DLG2: variants seen among roughly 807,000 people sequenced by gnomAD.
DLG2 encodes the protein discs large MAGUK scaffold protein 2, also known as disks large homolog 2.
In DLG2, 45 loss-of-function variants were observed where a neutral mutation model predicts 132.5. The observed-to-expected ratio is 0.34, with a 90% confidence interval of 0.27 to 0.44. The LOEUF (loss-of-function observed/expected upper bound fraction) is 0.44, where lower values mean the gene tolerates loss of function less well. Among genes scored for constraint, DLG2 ranks in the 20% least tolerant of loss-of-function variants. The pLI is 1.00. For synonymous variants in DLG2, 424 were observed against 419.6 expected (o/e 1.01, Z -0.13); for missense variants, 1,045 against 1,196.9 (o/e 0.87, Z 1.87).
chr11:84,559,440 TTAAA>T (rs2099418725), intron 6 of DLG2, among the ~76,000 whole-genome samples: 3 of 152,160 alleles, frequency 2.0e-5, no homozygotes, highest in South Asian at 2.1e-4. Flanking sequence ...CTTAATGTAA[TTAAA>T]TAAATCATTA....
intron 6 of DLG2, among the ~76,000 whole-genome samples, chr11:84,819,882 G>C (rs1247647472): frequency 6.6e-6 from 1 of 151,684 alleles, no homozygotes; most frequent in African/African-American, 2.4e-5. Flanking sequence ...CATTACTGTA[G>C]GAGTGAAAGC....
In DLG2 at chr11:83,532,730, G is replaced by T. The variant is rs1231171846; in HGVS notation, c.2171C>A (p.Pro724His). 2.5e-6 allele frequency: 4 copies of T among 1,613,250 alleles called. No homozygotes were observed. The highest frequency in any genetic ancestry group is 1.3e-5 in the African/African-American group (1 of 74,966). The part of the protein sequence containing the change: ...RLKTVKFNAK[P>H]GVIDSKGSFN... ...TACCCCTTTCGAATCAATCACTCCA[G>T]GTTTGGCATTAAACTTCACTGTCTT... The change falls in exon 21 of 28, where the codon CCT (proline) becomes CAT (histidine). Residue 724 changes from proline to histidine, a missense_variant. Pro to His is a moderately conservative substitution (Grantham distance 77). Coordinates refer to ENST00000376104, the MANE Select transcript of DLG2 (RefSeq NM_001142699.3).
intron 3 of DLG2, among the ~76,000 whole-genome samples, chr11:85,420,032 C>T (rs1329303198): frequency 6.6e-6 from 1 of 152,196 alleles, no homozygotes; most frequent in Non-Finnish European, 1.5e-5. Context: ...TTGGAATTTT[C>T]AGCTTTTTTG....
At chr11:84,026,431 C>G (rs888781287) in intron 11 of DLG2, among the ~76,000 whole-genome samples, 33 of 151,982 alleles carry the variant, frequency 2.2e-4, no homozygotes, top group African/African-American at 7.2e-4. Context: ...AATCATAGAG[C>G]TGAAAGAGAC....
At chr11:83,833,586 G>A (rs2154002720) in intron 17 of DLG2, 28 bp downstream of exon 17, 1 of 1,590,430 alleles carries the variant, frequency 6.3e-7, no homozygotes, top group East Asian at 2.2e-5. Flanking sequence ...AGATATGGAG[G>A]GAATAAAGAT....
chr11:85,110,335 T>A (rs1006068566), intron 6 of DLG2, among the ~76,000 whole-genome samples: 35 of 152,150 alleles, frequency 2.3e-4, no homozygotes, highest in Non-Finnish European at 2.8e-4. Context: ...CAAGAATCAC[T>A]TGAATCCAGG....
chr11:84,660,025 C>A (rs1413085990), intron 6 of DLG2, among the ~76,000 whole-genome samples: 1 of 152,026 alleles, frequency 6.6e-6, no homozygotes, highest in Non-Finnish European at 1.5e-5. Flanking sequence ...ATATTACCAA[C>A]CAGGAAAGCT....
intron 16 of DLG2, among the ~76,000 whole-genome samples, chr11:83,849,368 T>C (rs1205403881): frequency 6.6e-6 from 1 of 150,590 alleles, no homozygotes; most frequent in Non-Finnish European, 1.5e-5. Context: ...AAGCTCTTAA[T>C]AGCCATTCAA....
rs553371066 is a variant in DLG2 at position 84,088,375 on chromosome 11, G to GA, written c.749+10547dup. Among the ~76,000 whole-genome samples the GA allele has an allele frequency of 5.2e-3, 571 of 110,378 alleles. 3 individuals are homozygous for GA. The highest frequency in any genetic ancestry group is 6.6e-3 in the Admixed American group (69 of 10,458). The allele number at this position is 110,378 out of a possible 152,430, so 72.4% of individuals were successfully genotyped here. A position where few individuals can be genotyped will look rare whatever the true frequency, so the allele number is the denominator to read the frequency against. ...AGAAGTCTTGATAGAATTTGCTAGA[G>GA]AAAAAAAAAAAAACAAAAATCCAAC... On this transcript the variant is annotated intron_variant, in intron 10 of 27. Coordinates refer to ENST00000376104, the MANE Select transcript of DLG2 (RefSeq NM_001142699.3).
At chr11:83,715,423 C>T (rs1231411325) in intron 18 of DLG2, among the ~76,000 whole-genome samples, 1 of 152,146 alleles carries the variant, frequency 6.6e-6, no homozygotes, top group Non-Finnish European at 1.5e-5. Flanking sequence ...CATTCAAAAC[C>T]TGGGAACGAC....
At chr11:85,538,341 C>CAG (rs1256654836) in intron 3 of DLG2, among the ~76,000 whole-genome samples, 1 of 151,780 alleles carries the variant, frequency 6.6e-6, no homozygotes, top group Admixed American at 6.6e-5. Flanking sequence ...CAAGAAACAA[C>CAG]AGATGCTGGC....
At chr11:83,520,718 G>GATAGATAGATAC in intron 21 of DLG2, among the ~76,000 whole-genome samples, 1 of 151,844 alleles carries the variant, frequency 6.6e-6, no homozygotes, top group Non-Finnish European at 1.5e-5. Context: ...TAGATAGATA[G>GATAGATAGATAC]ATAGATAGAT....
At chr11:84,505,509 C>T (rs1367534) in intron 7 of DLG2, among the ~76,000 whole-genome samples, 11,030 of 152,094 alleles carry the variant, frequency 0.073, 451 homozygotes, top group African/African-American at 0.092. Context: ...AATTCCAGTT[C>T]TATAATTTAC....
chr11:84,436,186 C>T (rs930987412), intron 7 of DLG2, among the ~76,000 whole-genome samples: 18 of 152,148 alleles, frequency 1.2e-4, no homozygotes, highest in African/African-American at 4.1e-4. Flanking sequence ...CCTCCCCTCC[C>T]TCATCCACCA....
intron 6 of DLG2, chr11:84,686,825 C>G (rs2099738654): frequency 6.6e-6 from 1 of 152,064 alleles, no homozygotes; most frequent in Admixed American, 6.5e-5. Context: ...AAAGCCAAGG[C>G]ATTTTTCTCC....
intron 6 of DLG2, among the ~76,000 whole-genome samples, chr11:84,907,001 T>C (rs1190254443): frequency 6.6e-6 from 1 of 152,226 alleles, no homozygotes; most frequent in Non-Finnish European, 1.5e-5. Flanking sequence ...AAGGAGTATA[T>C]TCTTAACACA....
chr11:84,128,392 G>A (rs1213834434), intron 9 of DLG2, among the ~76,000 whole-genome samples: 2 of 151,950 alleles, frequency 1.3e-5, no homozygotes, highest in African/African-American at 4.8e-5. Flanking sequence ...AAAGTGATAA[G>A]GTATTTTTAT....
intron 6 of DLG2, among the ~76,000 whole-genome samples, chr11:84,741,904 TAGACAATTC>T (rs2153824252): frequency 6.6e-6 from 1 of 152,040 alleles, no homozygotes; most frequent in East Asian, 1.9e-4. Flanking sequence ...AGAATACAAA[TAGACAATTC>T]AACAATATCA....
At chr11:84,784,096 A>C (rs868494001) in intron 6 of DLG2, among the ~76,000 whole-genome samples, 12 of 143,464 alleles carry the variant, frequency 8.4e-5, no homozygotes, top group Middle Eastern at 3.6e-3. Flanking sequence ...TCAGGAGTTC[A>C]AGACCAGCCT....
Sources: allele counts gnomAD v4.1 joint callset (sites outside exome capture counted in the v4.1 genomes callset), GRCh38; gene constraint gnomAD v4.1.1; transcripts MANE v1.5; gene names NCBI Gene and HGNC (gene_info 2026-07-23, HGNC 2026-07-21).